The following STOX1 variants were observed in gnomAD, a reference collection of about 807,000 sequenced individuals.
The protein encoded by STOX1 is storkhead box 1, also known as storkhead-box protein 1.
Under a neutral mutation model 74.8 loss-of-function variants are expected in STOX1, and 57 were observed. The ratio of observed to expected loss-of-function variants is 0.76; its 90% CI spans 0.62 to 0.95. The LOEUF (loss-of-function observed/expected upper bound fraction) is 0.95, where lower values mean the gene tolerates loss of function less well. Ranked by LOEUF, STOX1 falls within the 40% of genes least tolerant of loss-of-function variation. The pLI is 0.00. For synonymous variants in STOX1, 375 were observed against 401.3 expected (o/e 0.93, Z 0.78); for missense variants, 1,010 against 1,117.0 (o/e 0.90, Z 1.37).
chr10:68,892,156 G>T (rs763409047), intron 3 of STOX1, among the ~76,000 whole-genome samples: 2 of 151,942 alleles, frequency 1.3e-5, no homozygotes, highest in Non-Finnish European at 2.9e-5. Context: ...TAGATAATGG[G>T]CTAATATAGC....
At chr10:68,871,151 A>G (rs554864395) in intron 1 of STOX1, among the ~76,000 whole-genome samples, 39 of 152,322 alleles carry the variant, frequency 2.6e-4, no homozygotes, top group African/African-American at 6.5e-4. Flanking sequence ...GTATTATTCA[A>G]AAGCCAGCTG....
chr10:68,877,939 A>T (rs1589234076), intron 1 of STOX1, among the ~76,000 whole-genome samples: 1 of 152,016 alleles, frequency 6.6e-6, no homozygotes, highest in Non-Finnish European at 1.5e-5. Flanking sequence ...CTGGATTTGG[A>T]GAAAGGGGGT....
chr10:68,864,417 A>T (rs1037327084), intron 1 of STOX1, among the ~76,000 whole-genome samples: 1 of 152,248 alleles, frequency 6.6e-6, no homozygotes, highest in Non-Finnish European at 1.5e-5. Flanking sequence ...GAAAATGGTT[A>T]TCTAGAATAC....
intron 1 of STOX1, among the ~76,000 whole-genome samples, chr10:68,845,428 C>G (rs1839815803): frequency 6.6e-6 from 1 of 151,508 alleles, no homozygotes; most frequent in Non-Finnish European, 1.5e-5. Flanking sequence ...CGCCTGCCAC[C>G]ATGCCCGGCT....
chr10:68,875,137 G>A (rs771769412), intron 1 of STOX1, among the ~76,000 whole-genome samples: 8 of 152,200 alleles, frequency 5.3e-5, no homozygotes, highest in Non-Finnish European at 1.2e-4. Context: ...GTTGCCCTGT[G>A]TCAGACCTTC....
At chr10:68,841,337 G>C (rs1839688986) in intron 1 of STOX1, among the ~76,000 whole-genome samples, 1 of 152,080 alleles carries the variant, frequency 6.6e-6, no homozygotes, top group Admixed American at 6.6e-5. Flanking sequence ...CATTCACATA[G>C]TATGAAAGGG....
intron 1 of STOX1, among the ~76,000 whole-genome samples, chr10:68,834,043 T>C (rs1839479777): frequency 6.6e-6 from 1 of 152,172 alleles, no homozygotes; most frequent in African/African-American, 2.4e-5. Context: ...AGTTTCTGCC[T>C]TTAATTAGGC....
At chr10:68,894,634 T>A (rs1417190456), downstream of STOX1, among the ~76,000 whole-genome samples, 2 of 152,132 alleles carry the variant, frequency 1.3e-5, no homozygotes, top group Non-Finnish European at 2.9e-5. Context: ...TAGAAAAGAC[T>A]TGTAGGGGAA....
At chr10:68,872,087 C>T (rs1253197289) in intron 1 of STOX1, among the ~76,000 whole-genome samples, 1 of 152,008 alleles carries the variant, frequency 6.6e-6, no homozygotes, top group Non-Finnish European at 1.5e-5. Flanking sequence ...ATAGAAGATA[C>T]CTTTCCCACA....
chr10:68,852,259 T>TC (rs1169560498), intron 1 of STOX1, among the ~76,000 whole-genome samples: 1 of 141,588 alleles, frequency 7.1e-6, no homozygotes, highest in East Asian at 2.1e-4. Flanking sequence ...CTTTTTTTTT[T>TC]TTTTTTTTTT....
rs1564576519 is a variant in STOX1, at chr10:68,855,932, TC to T, written c.311-26025del. Among the ~76,000 whole-genome samples, 3 of 152,020 alleles carry T rather than the reference TC, an allele frequency of 2.0e-5. No individual in the cohort carries two copies. The South Asian group carries it at 6.2e-4, about 32-fold the overall frequency. ...TCATCTGTCCTGCTGTGTTATGACA[TC>T]TGGAGGTGTGCAAGATGTTATGTGT... is the stretch of plus-strand genomic sequence containing the variant. On this transcript the variant is annotated intron_variant, in intron 1 of 3. Transcript: ENST00000298596.
intron 1 of STOX1, among the ~76,000 whole-genome samples, chr10:68,862,288 A>G (rs1372233452): frequency 6.6e-6 from 1 of 151,960 alleles, no homozygotes; most frequent in Non-Finnish European, 1.5e-5. Flanking sequence ...AGGATGGGAA[A>G]ACTTCACTGG....
chr10:68,878,287 A>G (rs373084182), intron 1 of STOX1, among the ~76,000 whole-genome samples: 1 of 152,196 alleles, frequency 6.6e-6, no homozygotes, highest in East Asian at 1.9e-4. Context: ...GATGAAAGCC[A>G]AGAAAGTAAA....
intron 1 of STOX1, among the ~76,000 whole-genome samples, chr10:68,875,401 C>T (rs928378107): frequency 6.6e-6 from 1 of 152,184 alleles, no homozygotes. Flanking sequence ...TGGGAGTGTT[C>T]ACTGGCTCCA....
intron 1 of STOX1, among the ~76,000 whole-genome samples, chr10:68,847,591 G>T (rs1839885563): frequency 6.6e-6 from 1 of 151,408 alleles, no homozygotes; most frequent in Non-Finnish European, 1.5e-5. Flanking sequence ...TGTATTTTTA[G>T]TAGAGATGGG....
chr10:68,883,205 A>G (rs1052956873), intron 2 of STOX1, among the ~76,000 whole-genome samples: 16 of 136,160 alleles, frequency 1.2e-4, no homozygotes, highest in East Asian at 2.2e-4. Flanking sequence ...GTGAAACCCC[A>G]TCTCTACTAA....
At chr10:68,833,312 C>T (rs918336158) in intron 1 of STOX1, among the ~76,000 whole-genome samples, 3 of 152,064 alleles carry the variant, frequency 2.0e-5, no homozygotes, top group African/African-American at 7.2e-5. Flanking sequence ...TGGTCTGGAA[C>T]TCCCGACCTC....
At position 68,828,327 on chromosome 10, in the gene STOX1, C is replaced by T. The variant is rs1462704684; in HGVS notation, c.310+394C>T. The T allele has an allele frequency of 2.4e-5, 27 of 1,116,870 alleles. No homozygotes were observed. In the South Asian group the frequency reaches 2.9e-4, roughly 12 times the overall value. 69.2% of individuals were successfully genotyped at this position (1,116,870 alleles called of 1,614,324 possible). On this transcript the variant is annotated intron_variant, in intron 1 of 3. Coordinates refer to ENST00000298596, the MANE Select transcript of STOX1 (RefSeq NM_152709.5). ...CGCGCCAGCTGTGAGCGCGGAGCTC[C>T]GCGCTGCAGGGGCGAGCGCGGCCCC...
intron 1 of STOX1, among the ~76,000 whole-genome samples, chr10:68,842,862 G>A (rs1464298345): frequency 6.6e-6 from 1 of 151,710 alleles, no homozygotes; most frequent in Non-Finnish European, 1.5e-5. Context: ...TTCTTTAGCA[G>A]TTCATTAAGG....
Sources: allele counts gnomAD v4.1 joint callset (sites outside exome capture counted in the v4.1 genomes callset), GRCh38; gene constraint gnomAD v4.1.1; transcripts MANE v1.5; gene names NCBI Gene and HGNC (gene_info 2026-07-23, HGNC 2026-07-21).